The following DAPK1 variants were observed in gnomAD, a reference collection of about 807,000 sequenced individuals.
DAPK1 encodes the protein death-associated protein kinase 1.
Under a neutral mutation model 144.9 loss-of-function variants are expected in DAPK1, and 56 were observed. The observed-to-expected ratio is 0.39, with a 90% CI of 0.31 to 0.48. DAPK1 has a LOEUF of 0.48. DAPK1 is among the 20% of genes least tolerant of loss of function. The pLI is 0.95. For synonymous variants in DAPK1, 690 were observed against 749.0 expected, an observed-to-expected ratio of 0.92 and a Z score of 1.29; for missense variants, 1,454 against 1,875.4, an observed-to-expected ratio of 0.78 and a Z score of 4.15.
intron 3 of DAPK1, among the ~76,000 whole-genome samples, chr9:87,629,681 C>T (rs1205508062): frequency 6.6e-6 from 1 of 152,080 alleles, no homozygotes; most frequent in Non-Finnish European, 1.5e-5. Context: ...GGGCCTAACT[C>T]TTTCAAAGTA....
At position 87,643,344 on chromosome 9, in the gene DAPK1, TC is replaced by T. The variant is rs751433434; in HGVS notation, c.919-29del. On this transcript the variant is annotated intron_variant, in intron 10 of 25. Coordinates refer to ENST00000408954, the MANE Select transcript of DAPK1 (RefSeq NM_004938.4). ...CACCCTGCCTTTTTCCTCCCCGCCC[TC>T]CCTTTTTTTTTTTTTTTTTTTAAAA... 48 of 1,204,166 alleles carry T rather than the reference TC, an allele frequency of 4.0e-5. No individual in the cohort carries two copies. The African/African-American group carries it at 8.2e-4, about 21-fold the overall frequency. The allele number at this position is 1,204,166 out of a possible 1,614,324, so 74.6% of individuals were successfully genotyped here. A position where few individuals can be genotyped will look rare whatever the true frequency, so the allele number is the denominator to read the frequency against.
chr9:87,578,222 C>A (rs1377505926), intron 2 of DAPK1, among the ~76,000 whole-genome samples: 1 of 152,202 alleles, frequency 6.6e-6, no homozygotes, highest in Non-Finnish European at 1.5e-5. Flanking sequence ...TGCAGCCTTG[C>A]ATCTATATGT....
At chr9:87,633,031 G>C in intron 3 of DAPK1, 3 of 980,880 alleles carry the variant, frequency 3.1e-6, no homozygotes, top group Non-Finnish European at 3.6e-6. Flanking sequence ...TATATATGTA[G>C]GGATGAAGGA....
intron 2 of DAPK1, among the ~76,000 whole-genome samples, chr9:87,514,435 C>G (rs1024281367): frequency 1.3e-5 from 2 of 152,134 alleles, no homozygotes; most frequent in Non-Finnish European, 2.9e-5. Context: ...TGTCAGAGCC[C>G]TGTTGAATCA....
At position 87,556,663 on chromosome 9, in the gene DAPK1, G is replaced by C. The variant is rs550507109; in HGVS notation, c.63-48291G>C. 7.2e-5 allele frequency among the ~76,000 whole-genome samples: 11 copies of C among 152,286 alleles called. No individual in the cohort carries two copies. In the East Asian group the frequency reaches 1.9e-3, roughly 27 times the overall value. On this transcript the variant is annotated intron_variant, in intron 2 of 25. Transcript: ENST00000408954. ...GCAGGGTTTGGTCTCTGAAAGGTGA[G>C]GTCTTTCACTTGTGATCATGGTACA...
intron 3 of DAPK1, among the ~76,000 whole-genome samples, chr9:87,607,067 G>A (rs922167219): frequency 1.3e-5 from 2 of 149,526 alleles, no homozygotes; most frequent in African/African-American, 2.6e-5. Flanking sequence ...TCCCACCCTC[G>A]TAACTGAGAA....
chr9:87,607,753 T>C (rs987777817), intron 3 of DAPK1, among the ~76,000 whole-genome samples: 1 of 152,134 alleles, frequency 6.6e-6, no homozygotes, highest in African/African-American at 2.4e-5. Context: ...GTACCCCTTG[T>C]ATTAATACTA....
intron 19 of DAPK1, among the ~76,000 whole-genome samples, chr9:87,672,266 T>C (rs1362516268): frequency 6.6e-6 from 1 of 152,134 alleles, no homozygotes; most frequent in Non-Finnish European, 1.5e-5. Context: ...GAGCGCTCAG[T>C]GTGTGTGGTG....
At chr9:87,549,953 C>A (rs933528101) in intron 2 of DAPK1, among the ~76,000 whole-genome samples, 4 of 152,152 alleles carry the variant, frequency 2.6e-5, no homozygotes, top group Non-Finnish European at 5.9e-5. Context: ...TGTCTGTATA[C>A]CTCATCCTTT....
intron 2 of DAPK1, among the ~76,000 whole-genome samples, chr9:87,566,996 G>A (rs903239039): frequency 3.3e-5 from 5 of 152,220 alleles, no homozygotes; most frequent in Admixed American, 3.3e-4. Context: ...GCTCATTAAT[G>A]AAGGGTTGCT....
chr9:87,640,462 C>CGTTCCT lies in DAPK1; in HGVS notation c.782+14_782+19dup, dbSNP rs1564038592. 6.2e-7 allele frequency: 1 copy of CGTTCCT among 1,612,746 alleles called. No individual in the cohort carries two copies. The highest frequency in any genetic ancestry group is 1.7e-5 in the Admixed American group (1 of 59,926). On this transcript the variant is annotated intron_variant, in intron 8 of 25. Coordinates refer to ENST00000408954, the MANE Select transcript of DAPK1 (RefSeq NM_004938.4). ...GTCAAGGATCCAAAGTGAGTGTCCA[C>CGTTCCT]GTTCCTGAAAGGTGCTTGGCCACGG...
At chr9:87,666,826 T>C (rs113089432) in intron 18 of DAPK1, among the ~76,000 whole-genome samples, 1 of 148,698 alleles carries the variant, frequency 6.7e-6, no homozygotes, top group South Asian at 2.1e-4. Context: ...GGTTGAACAG[T>C]GGAGAGTTCA....
intron 21 of DAPK1, among the ~76,000 whole-genome samples, chr9:87,695,186 G>A (rs1484727478): frequency 6.6e-6 from 1 of 152,194 alleles, no homozygotes; most frequent in Non-Finnish European, 1.5e-5. Flanking sequence ...CACACTCCAA[G>A]AGCCAATTTC....
At chr9:87,582,415 C>T (rs559426373) in intron 2 of DAPK1, among the ~76,000 whole-genome samples, 14 of 152,268 alleles carry the variant, frequency 9.2e-5, no homozygotes, top group East Asian at 1.9e-4. Flanking sequence ...CTCTTCAATA[C>T]GGTGCTCAAG....
chr9:87,585,780 G>A (rs936115367), intron 2 of DAPK1, among the ~76,000 whole-genome samples: 2 of 152,216 alleles, frequency 1.3e-5, no homozygotes, highest in Non-Finnish European at 2.9e-5. Flanking sequence ...TGGCCATCGA[G>A]CACTTGAAGT....
intron 21 of DAPK1, among the ~76,000 whole-genome samples, chr9:87,695,824 C>T (rs1032033803): frequency 6.6e-6 from 1 of 152,208 alleles, no homozygotes; most frequent in Non-Finnish European, 1.5e-5. Flanking sequence ...TATACCCTGG[C>T]ACGTTCCAAA....
At chr9:87,652,271 G>A (rs570151409) in intron 17 of DAPK1, among the ~76,000 whole-genome samples, 3 of 122,234 alleles carry the variant, frequency 2.5e-5, no homozygotes, top group African/African-American at 6.1e-5. Context: ...CCATCCCCCC[G>A]ATCCCGGGTC....
chr9:87,633,827 G>A (rs1243186884), intron 3 of DAPK1, among the ~76,000 whole-genome samples: 1 of 152,224 alleles, frequency 6.6e-6, no homozygotes, highest in Non-Finnish European at 1.5e-5. Context: ...CCCAGACCCA[G>A]TGGGGTGTAG....
chr9:87,564,609 AGGAGGAAGGAGCAAGAGGGAGGGAG>A (rs1157615494), intron 2 of DAPK1, among the ~76,000 whole-genome samples: 12 of 147,626 alleles, frequency 8.1e-5, no homozygotes, highest in South Asian at 4.5e-4. Flanking sequence ...AGAGAGAGAG[AGGAGGAAGGAGCAAGAGGGAGGGAG>A]GGAGGAAGGG....
Sources: allele counts gnomAD v4.1 joint callset (sites outside exome capture counted in the v4.1 genomes callset), GRCh38; gene constraint gnomAD v4.1.1; transcripts MANE v1.5; gene names NCBI Gene and HGNC (gene_info 2026-07-23, HGNC 2026-07-21).